The following UBE2E1 variants were observed in gnomAD, a reference collection of about 807,000 sequenced individuals.
UBE2E1 encodes ubiquitin-conjugating enzyme E2 E1.
In UBE2E1, 6 loss-of-function variants were observed where a neutral mutation model predicts 21.4. The observed-to-expected ratio is 0.28, with a 90% CI of 0.15 to 0.55. The LOEUF is 0.55. Among genes scored for constraint, UBE2E1 ranks in the 20% least tolerant of loss-of-function variants. The pLI is 0.93. For synonymous variants in UBE2E1, 87 were observed against 82.7 expected (o/e 1.05, Z -0.28); for missense variants, 142 against 236.5 (o/e 0.60, Z 2.62).
intron 4 of UBE2E1, chr3:23,888,215 T>G (rs1412316273): frequency 1.1e-5 from 5 of 456,924 alleles, no homozygotes; most frequent in African/African-American, 1.0e-4. Context: ...TGTCATGTTT[T>G]GGTCTTGTTC....
intron 3 of UBE2E1, among the ~76,000 whole-genome samples, chr3:23,884,052 A>G (rs2125328695): frequency 6.6e-6 from 1 of 152,210 alleles, no homozygotes; most frequent in East Asian, 1.9e-4. Flanking sequence ...ACTACATTTG[A>G]TATTATTTCA....
chr3:23,882,704 C>G (rs187567407), intron 3 of UBE2E1, among the ~76,000 whole-genome samples: 1 of 152,034 alleles, frequency 6.6e-6, no homozygotes, highest in African/African-American at 2.4e-5. Flanking sequence ...TGAGGCCTGG[C>G]GAGAATTTGA....
At chr3:23,882,106 C>T (rs1041638681) in intron 3 of UBE2E1, among the ~76,000 whole-genome samples, 8 of 152,198 alleles carry the variant, frequency 5.3e-5, no homozygotes, top group Admixed American at 6.5e-5. Flanking sequence ...AAGAACAAAG[C>T]TTCCACAGTG....
intron 3 of UBE2E1, among the ~76,000 whole-genome samples, chr3:23,872,049 C>G (rs1274925811): frequency 6.6e-6 from 1 of 151,998 alleles, no homozygotes; most frequent in Admixed American, 6.5e-5. Context: ...TGTAGCCGGC[C>G]GAGATCACGC....
chr3:23,833,956 C>T (rs1314279251), intron 3 of UBE2E1, among the ~76,000 whole-genome samples: 1 of 152,008 alleles, frequency 6.6e-6, no homozygotes, highest in Non-Finnish European at 1.5e-5. Context: ...CGTGTTTGTA[C>T]CACTGCACTC....
intron 3 of UBE2E1, among the ~76,000 whole-genome samples, chr3:23,847,488 A>ATTTTTT (rs71057627): frequency 2.7e-4 from 26 of 96,132 alleles, no homozygotes; most frequent in Non-Finnish European, 3.4e-4. Context: ...TGTACTTTAA[A>ATTTTTT]TTTTTTTTTT....
At chr3:23,872,155 G>A (rs979020036) in intron 3 of UBE2E1, among the ~76,000 whole-genome samples, 3 of 152,288 alleles carry the variant, frequency 2.0e-5, no homozygotes, top group South Asian at 2.1e-4. Context: ...CAAATCACTC[G>A]CTGTTAGGAG....
intron 3 of UBE2E1, among the ~76,000 whole-genome samples, chr3:23,848,239 C>T (rs748469771): frequency 6.6e-6 from 1 of 152,126 alleles, no homozygotes; most frequent in Non-Finnish European, 1.5e-5. Flanking sequence ...GAGGCCAAGG[C>T]GGATGGATCA....
chr3:23,814,601 AT>A (rs1326496622), intron 3 of UBE2E1, among the ~76,000 whole-genome samples: 2 of 152,142 alleles, frequency 1.3e-5, no homozygotes, highest in African/African-American at 2.4e-5. Context: ...AGGGAAAAAA[AT>A]ATGTTAACTT....
intron 3 of UBE2E1, among the ~76,000 whole-genome samples, chr3:23,835,987 G>C (rs1699967484): frequency 6.6e-6 from 1 of 152,110 alleles, no homozygotes; most frequent in South Asian, 2.1e-4. Flanking sequence ...CTTCTTTTCA[G>C]CTGCTGCTTT....
chr3:23,827,300 T>A (rs189790702), intron 3 of UBE2E1, among the ~76,000 whole-genome samples: 1 of 152,376 alleles, frequency 6.6e-6, no homozygotes, highest in Admixed American at 6.5e-5. Flanking sequence ...TCATTCACTT[T>A]ATACAGAATA....
At chr3:23,832,754 G>A (rs1699897172) in intron 3 of UBE2E1, among the ~76,000 whole-genome samples, 1 of 152,124 alleles carries the variant, frequency 6.6e-6, no homozygotes, top group Non-Finnish European at 1.5e-5. Context: ...AAAATACAGG[G>A]ATGTGGTGAC....
At position 23,806,305 on chromosome 3, in the gene UBE2E1, G is replaced by A. The variant is rs1699265954; in HGVS notation, c.-34+217G>A. Among the ~76,000 whole-genome samples, 1 of 151,072 alleles carries A rather than the reference G, an allele frequency of 6.6e-6. No homozygotes were observed. Among genetic ancestry groups the A allele is most frequent in the Non-Finnish European group, 1.5e-5 (1 of 67,568 alleles). On this transcript the variant is annotated intron_variant, in intron 1 of 5. Transcript: ENST00000306627. The surrounding 1 kb of genome is among the most constrained non-coding windows in gnomAD (Gnocchi z 6.5). ...GGACCCCGGGCCGCGTGGGGTGCGG[G>A]GGCCGCCCGCATTGAGGACGGGGGT...
Position 23,889,199 on chromosome 3 carries a change from G to A in UBE2E1, c.424G>A (p.Ala142Thr). Residue 142 changes from alanine (A) to threonine (T), a missense_variant, in exon 5 of 6, where the codon GCA (alanine) becomes ACA (threonine). Transcript: ENST00000306627. ...CATATTGAAAGATAATTGGAGTCCAGCACTAACCATTTCTAAAGTCCTCCT... is the reference window on the plus strand; with the variant it reads ...CATATTGAAAGATAATTGGAGTCCAACACTAACCATTTCTAAAGTCCTCCT... ...LDILKDNWSP[A>T]LTISKVLLSI... 6.2e-7 allele frequency: 1 copy of A among 1,613,634 alleles called. No homozygotes were observed. The highest frequency in any genetic ancestry group is 8.5e-7 in the Non-Finnish European group (1 of 1,179,918).
intron 4 of UBE2E1, chr3:23,888,102 G>A: frequency 2.5e-6 from 1 of 407,644 alleles, no homozygotes; most frequent in South Asian, 1.8e-5. Flanking sequence ...AGTCCAGTCT[G>A]GGCAACAAAG....
chr3:23,839,394 G>T (rs1174517938), intron 3 of UBE2E1, among the ~76,000 whole-genome samples: 2 of 151,968 alleles, frequency 1.3e-5, no homozygotes, highest in Non-Finnish European at 2.9e-5. Flanking sequence ...AACCCAAGAG[G>T]CAGAGGTTGC....
intron 3 of UBE2E1, among the ~76,000 whole-genome samples, chr3:23,883,904 C>CAAAAA (rs35520751): frequency 6.9e-5 from 6 of 87,236 alleles, no homozygotes; most frequent in Middle Eastern, 6.3e-3. Flanking sequence ...TGACAGATCT[C>CAAAAA]AAAAAAAAAA....
rs1700359119 is a variant in UBE2E1 at position 23,853,003 on chromosome 3, G to A, written c.204-34564G>A. ...ATGATCTCGGCTCACCACAACTTAC[G>A]CCTCCTGAGTTCAAGTGATTCTCCT... On this transcript the variant is annotated intron_variant, in intron 3 of 5. Coordinates refer to ENST00000306627, the MANE Select transcript of UBE2E1 (RefSeq NM_003341.5). This position sits in a 1 kb window ranked among gnomAD's most constrained non-coding sequence, Gnocchi z 4.1. 6.6e-6 allele frequency among the ~76,000 whole-genome samples: 1 copy of A among 151,068 alleles called. No individual in the cohort carries two copies. The highest frequency in any genetic ancestry group is 2.4e-5 in the African/African-American group (1 of 41,060).
chr3:23,852,761 C>T (rs1184908045), intron 3 of UBE2E1, among the ~76,000 whole-genome samples: 2 of 151,854 alleles, frequency 1.3e-5, no homozygotes, highest in Non-Finnish European at 2.9e-5. Flanking sequence ...GCACCCAGCA[C>T]ACCCAGCTAG....
Sources: gnomAD v4.1 joint callset for allele counts (sites outside exome capture counted in the v4.1 genomes callset) on GRCh38, gnomAD v4.1.1 for gene constraint, Gnocchi (gnomAD v3.1) non-coding constraint, MANE v1.5 for transcripts, NCBI Gene and HGNC (gene_info 2026-07-23, HGNC 2026-07-21) for gene names.